The following DNM3 variants were observed in gnomAD, a reference collection of about 807,000 sequenced individuals.
DNM3 encodes the protein dynamin 3, also known as dynamin-3.
A neutral mutation model predicts 101.6 loss-of-function variants in DNM3; 47 were observed. The ratio of observed to expected loss-of-function variants is 0.46; its 90% CI spans 0.37 to 0.59. The LOEUF is 0.59. Ranked by LOEUF, DNM3 falls within the 20% of genes least tolerant of loss-of-function variation. DNM3 has a pLI of 0.00. For synonymous variants in DNM3, 385 were observed against 387.9 expected, an observed-to-expected ratio of 0.99 and a Z score of 0.09; for missense variants, 849 against 1,085.7, an observed-to-expected ratio of 0.78 and a Z score of 3.06.
chr1:172,133,541 C>A, intron 14 of DNM3: 1 of 663,868 alleles, frequency 1.5e-6, no homozygotes, highest in Non-Finnish European at 1.9e-6. Flanking sequence ...TAGTTTCATC[C>A]ATTTAGATCA....
In DNM3 at chr1:172,054,437, C is replaced by T. The variant is rs115562373; in HGVS notation, c.1335+5687C>T. 2.7e-3 allele frequency among the ~76,000 whole-genome samples: 414 copies of T among 152,288 alleles called. 1 individual carries two copies. Among genetic ancestry groups the T allele is most frequent in the Non-Finnish European group, 5.0e-3 (340 of 68,026 alleles). On this transcript the variant is annotated intron_variant, in intron 10 of 20. Coordinates refer to ENST00000627582, the MANE Select transcript of DNM3 (RefSeq NM_015569.5). ...TCTCTTTTCAGCTGCTTTCCTTTACCTCCTCTTCACCAGTGCATCATCACA... is the reference window on the plus strand; with the variant it reads ...TCTCTTTTCAGCTGCTTTCCTTTACTTCCTCTTCACCAGTGCATCATCACA...
At chr1:172,027,390 C>A (rs2048282196) in intron 4 of DNM3, among the ~76,000 whole-genome samples, 1 of 152,010 alleles carries the variant, frequency 6.6e-6, no homozygotes, top group Non-Finnish European at 1.5e-5. Context: ...CGAGACCAGC[C>A]TGGCCAAGAT....
intron 14 of DNM3, among the ~76,000 whole-genome samples, chr1:172,135,012 A>G (rs2148109180): frequency 6.6e-6 from 1 of 152,274 alleles, no homozygotes; most frequent in East Asian, 1.9e-4. Flanking sequence ...TGCCTTGTGG[A>G]GAATGGATTG....
intron 1 of DNM3, among the ~76,000 whole-genome samples, chr1:171,845,534 A>G (rs2031940817): frequency 6.6e-6 from 1 of 152,260 alleles, no homozygotes; most frequent in Non-Finnish European, 1.5e-5. Context: ...GGCATGGCTG[A>G]TAGAGCAAGA....
intron 16 of DNM3, among the ~76,000 whole-genome samples, chr1:172,316,804 C>G (rs552945043): frequency 6.6e-6 from 1 of 152,124 alleles, no homozygotes; most frequent in Non-Finnish European, 1.5e-5. Context: ...ACTTTAACAC[C>G]CCACTGTTAA....
chr1:172,000,240 A>G (rs1572026525), intron 4 of DNM3, among the ~76,000 whole-genome samples: 1 of 152,184 alleles, frequency 6.6e-6, no homozygotes, highest in Non-Finnish European at 1.5e-5. Flanking sequence ...ATTCCAGAGG[A>G]CAAGAGAAAA....
intron 14 of DNM3, among the ~76,000 whole-genome samples, chr1:172,205,095 T>G (rs957688911): frequency 6.6e-6 from 1 of 152,204 alleles, no homozygotes; most frequent in African/African-American, 2.4e-5. Context: ...GCATGTGTTT[T>G]GGTACTGTTT....
chr1:172,058,898 A>T (rs2050894487), intron 10 of DNM3, among the ~76,000 whole-genome samples: 1 of 152,192 alleles, frequency 6.6e-6, no homozygotes, highest in Non-Finnish European at 1.5e-5. Flanking sequence ...AAATTAATGA[A>T]TCCAGGAGCT....
chr1:172,314,964 C>A (rs562684423), intron 16 of DNM3, among the ~76,000 whole-genome samples: 77 of 152,252 alleles, frequency 5.1e-4, no homozygotes, highest in African/African-American at 1.7e-3. Context: ...CCCTGACTCC[C>A]GAGCAGCCTA....
chr1:172,156,804 G>T (rs1355180873), intron 14 of DNM3, among the ~76,000 whole-genome samples: 2 of 151,996 alleles, frequency 1.3e-5, no homozygotes, highest in African/African-American at 4.8e-5. Context: ...AGCATTAAAG[G>T]ACATATAAAG....
chr1:172,094,423 A>T (rs1370500711), intron 13 of DNM3, among the ~76,000 whole-genome samples: 1 of 152,148 alleles, frequency 6.6e-6, no homozygotes, highest in Non-Finnish European at 1.5e-5. Flanking sequence ...TGAGAATGAG[A>T]TTGGAGCATG....
intron 2 of DNM3, among the ~76,000 whole-genome samples, chr1:171,981,507 C>T (rs957109158): frequency 5.9e-5 from 9 of 152,226 alleles, no homozygotes; most frequent in African/African-American, 1.9e-4. Context: ...ATGATTGGAA[C>T]ATTGCCCAGG....
At chr1:172,060,033 G>A (rs1183190637) in intron 10 of DNM3, among the ~76,000 whole-genome samples, 5 of 152,062 alleles carry the variant, frequency 3.3e-5, no homozygotes, top group Non-Finnish European at 4.4e-5. Context: ...GAAATCACAA[G>A]CATTCTTATA....
chr1:171,851,878 T>C (rs1444378077), intron 1 of DNM3, among the ~76,000 whole-genome samples: 1 of 152,264 alleles, frequency 6.6e-6, no homozygotes, highest in Admixed American at 6.5e-5. Flanking sequence ...TGTATATGCA[T>C]ACTAGGCTGC....
chr1:171,953,337 C>T (rs140508658), intron 2 of DNM3, among the ~76,000 whole-genome samples: 1 of 151,798 alleles, frequency 6.6e-6, no homozygotes, highest in African/African-American at 2.4e-5. Context: ...GTCAAGTCAT[C>T]TGGCACTTTT....
intron 15 of DNM3, among the ~76,000 whole-genome samples, chr1:172,305,208 C>A (rs1281315288): frequency 2.0e-5 from 3 of 152,090 alleles, no homozygotes; most frequent in Non-Finnish European, 2.9e-5. Flanking sequence ...GATATCATCA[C>A]CGATCCCACA....
At chr1:171,891,654 C>T (rs181556977) in intron 1 of DNM3, among the ~76,000 whole-genome samples, 1 of 152,142 alleles carries the variant, frequency 6.6e-6, no homozygotes, top group East Asian at 1.9e-4. Context: ...GAGGAGTACT[C>T]ATTAGGTATT....
At chr1:171,986,258 C>T (rs2045247979) in intron 2 of DNM3, among the ~76,000 whole-genome samples, 1 of 151,992 alleles carries the variant, frequency 6.6e-6, no homozygotes, top group Admixed American at 6.5e-5. Context: ...CTATCTCTAC[C>T]TTTCTTATCA....
At chr1:172,261,343 A>G (rs908545245) in intron 15 of DNM3, among the ~76,000 whole-genome samples, 2 of 152,176 alleles carry the variant, frequency 1.3e-5, no homozygotes, top group African/African-American at 2.4e-5. Flanking sequence ...GAATCTGACT[A>G]TGCGTAGTGG....
Sources: allele counts gnomAD v4.1 joint callset (sites outside exome capture counted in the v4.1 genomes callset), GRCh38; gene constraint gnomAD v4.1.1; transcripts MANE v1.5; gene names NCBI Gene and HGNC (gene_info 2026-07-23, HGNC 2026-07-21).